VPS29: variants seen among roughly 807,000 people sequenced by gnomAD.
VPS29 encodes vacuolar protein sorting-associated protein 29.
In VPS29, 2 loss-of-function variants were observed where a neutral mutation model predicts 20.0. The observed-to-expected ratio is 0.10, with a 90% CI of 0.04 to 0.31. VPS29 has a LOEUF of 0.31. Ranked by LOEUF, VPS29 falls within the 10% of genes least tolerant of loss-of-function variation. The pLI is 1.00. For missense variants in VPS29, 120 were observed against 215.3 expected (o/e 0.56, Z 2.77); for synonymous variants, 81 against 79.3 (o/e 1.02, Z -0.12).
intron 1 of VPS29, among the ~76,000 whole-genome samples, chr12:110,500,362 G>C (rs866171955): frequency 6.6e-6 from 1 of 152,186 alleles, no homozygotes. Flanking sequence ...CCCTAAATAA[G>C]AGGGATCACT....
chr12:110,491,802 T>C lies in VPS29; in HGVS notation c.*203A>G, dbSNP rs898642294. ...TTACTGTGTTGTGGACATTTTTTCA[T>C]AGAATCCATATACTGTAAACTAAAT... On this transcript the variant is annotated 3_prime_UTR_variant, in exon 4 of 4. Transcript: ENST00000549578. 6.3e-6 allele frequency: 3 copies of C among 474,932 alleles called. No homozygotes were observed. Among genetic ancestry groups the C allele is most frequent in the East Asian group, 3.6e-5 (1 of 27,554 alleles). The allele number at this position is 474,932 out of a possible 1,614,324, so 29.4% of individuals were successfully genotyped here. A position where few individuals can be genotyped will look rare whatever the true frequency, so the allele number is the denominator to read the frequency against.
chr12:110,495,355 T>C (rs1248421718), intron 2 of VPS29, among the ~76,000 whole-genome samples: 1 of 152,096 alleles, frequency 6.6e-6, no homozygotes, highest in East Asian at 1.9e-4. Flanking sequence ...TACAAGAAAA[T>C]GATACAGTGG....
chr12:110,493,137 G>A lies in VPS29; in HGVS notation c.290C>T (p.Ala97Val), dbSNP rs1372805618. Reference protein sequence around the residue: ...GHQVIPWGDMASLALLQRQFD... With the variant: ...GHQVIPWGDMVSLALLQRQFD... ...TTGCCTCTGCAACAGGGCTAAGCTG[G>A]CCATATCTCCCCATGGAATAACTTG... Residue 97 changes from alanine (A) to valine (V), a missense_variant, in exon 3 of 4, where the codon GCC becomes GTC. Transcript: ENST00000549578. 8.7e-6 allele frequency: 14 copies of A among 1,613,584 alleles called. No individual in the cohort carries two copies. Among genetic ancestry groups the A allele is most frequent in the Non-Finnish European group, 1.2e-5 (14 of 1,179,820 alleles).
At chr12:110,499,470 G>C (rs2062959951) in intron 1 of VPS29, 2 of 1,606,866 alleles carry the variant, frequency 1.2e-6, no homozygotes, top group African/African-American at 2.7e-5. Context: ...AAAAGGGTAA[G>C]AAATCCAGTC....
At chr12:110,497,236 AGACGGAGTCT>A (rs1382806989) in intron 1 of VPS29, among the ~76,000 whole-genome samples, 2 of 54,698 alleles carry the variant, frequency 3.7e-5, no homozygotes, top group African/African-American at 1.7e-4. Context: ...TTTTTTTTTG[AGACGGAGTCT>A]CACTCTGTCG....
Position 110,492,993 on chromosome 12 carries a change from C to T in VPS29, c.431+3G>A, listed in dbSNP as rs2062842436. 6.2e-7 allele frequency: 1 copy of T among 1,607,068 alleles called. No individual in the cohort carries two copies. Among genetic ancestry groups the T allele is most frequent in the South Asian group, 1.1e-5 (1 of 89,886 alleles). On this transcript the variant is annotated splice_donor_region_variant and intron_variant, in intron 3 of 3. Coordinates refer to ENST00000549578, the MANE Select transcript of VPS29 (RefSeq NM_016226.5). ...CCAAATTCCCAAATTCTATACTACTCACGTTTCCAAGGCATTATATGCCCC... is the reference window on the plus strand; with the variant it reads ...CCAAATTCCCAAATTCTATACTACTTACGTTTCCAAGGCATTATATGCCCC...
intron 1 of VPS29, chr12:110,499,452 C>T (rs2062959189): frequency 3.2e-6 from 5 of 1,583,914 alleles, no homozygotes; most frequent in Non-Finnish European, 3.4e-6. Context: ...TTCCTTTCAA[C>T]AGACCTTAAA....
chr12:110,500,778 C>T (rs1009898211), intron 1 of VPS29, among the ~76,000 whole-genome samples: 1 of 148,650 alleles, frequency 6.7e-6, no homozygotes, highest in African/African-American at 2.5e-5. Context: ...TGAGCAGCAG[C>T]AAGATTTATT....
At position 110,501,710 on chromosome 12, in the gene VPS29, C is replaced by T. The variant is rs545198579; in HGVS notation, c.3+339G>A. The T allele has an allele frequency of 8.4e-6, 11 of 1,313,290 alleles. No homozygotes were observed. The Admixed American group carries it at 1.8e-4, about 21-fold the overall frequency. 81.4% of individuals were successfully genotyped at this position (1,313,290 alleles called of 1,614,324 possible). The stretch of plus-strand genomic sequence containing the variant: ...CCGTCTGGAAACGGAGGACCGTGCC[C>T]CTATCCCCGGAACATTCGAGGTATA... On this transcript the variant is annotated intron_variant, in intron 1 of 3. Transcript: ENST00000549578.
At chr12:110,493,644 G>C (rs1468680673) in intron 2 of VPS29, among the ~76,000 whole-genome samples, 1 of 152,106 alleles carries the variant, frequency 6.6e-6, no homozygotes, top group Non-Finnish European at 1.5e-5. Flanking sequence ...TTACAGGCCT[G>C]AGCCACTGTG....
chr12:110,494,125 ACT>A (rs2062860987), intron 2 of VPS29, among the ~76,000 whole-genome samples: 1 of 151,550 alleles, frequency 6.6e-6, no homozygotes, highest in African/African-American at 2.4e-5. Flanking sequence ...ATTTATCCAA[ACT>A]CTTTTTAAAA....
chr12:110,492,523 T>C (rs369543405), intron 3 of VPS29, among the ~76,000 whole-genome samples: 28 of 151,906 alleles, frequency 1.8e-4, no homozygotes, highest in Middle Eastern at 3.4e-3. Context: ...TGAGCCAAGA[T>C]TGCAACACTA....
chr12:110,495,866 G>A, intron 2 of VPS29, 146 bp downstream of exon 2: 2 of 612,572 alleles, frequency 3.3e-6, no homozygotes, highest in Middle Eastern at 4.7e-4. Context: ...GGAGGGGCAT[G>A]ATGTATAGTA....
chr12:110,498,900 C>T, intron 1 of VPS29: 1 of 932,774 alleles, frequency 1.1e-6, no homozygotes, highest in Non-Finnish European at 1.3e-6. Flanking sequence ...GGGAATCTTG[C>T]TTTGAGAAAA....
intron 1 of VPS29, chr12:110,501,756 C>T: frequency 9.1e-7 from 1 of 1,095,984 alleles, no homozygotes; most frequent in Non-Finnish European, 1.3e-6. Context: ...CCTTCCCTGG[C>T]TCGGGCGTGC....
In VPS29 at chr12:110,501,774, G is replaced by C. The variant is rs560522215; in HGVS notation, c.3+275C>G. On this transcript the variant is annotated intron_variant, in intron 1 of 3. Transcript: ENST00000549578. Reference sequence around the variant, plus strand: ...TCCCTGGCTCGGGCGTGCGTGTCTCGTGACAGGTCGGGCTGCTAGAGGGGC... The same window carrying C: ...TCCCTGGCTCGGGCGTGCGTGTCTCCTGACAGGTCGGGCTGCTAGAGGGGC... 52 of 1,076,348 alleles carry C rather than the reference G, an allele frequency of 4.8e-5. No individual in the cohort carries two copies. The African/African-American group carries it at 7.2e-4, about 15-fold the overall frequency. The allele number at this position is 1,076,348 out of a possible 1,614,324, so 66.7% of individuals were successfully genotyped here.
intron 1 of VPS29, chr12:110,498,790 C>T (rs1469952367): frequency 1.8e-4 from 172 of 975,724 alleles, no homozygotes; most frequent in Non-Finnish European, 2.0e-4. Context: ...ATGAAGTTTC[C>T]ACCCTCACTG....
At chr12:110,496,848 G>A (rs927622120) in intron 1 of VPS29, 1 of 152,172 alleles carries the variant, frequency 6.6e-6, no homozygotes, top group Non-Finnish European at 1.5e-5. Flanking sequence ...GTACGTTACA[G>A]AGATATACAA....
rs377665907 is a variant in VPS29 at position 110,499,569 on chromosome 12, T to C, written c.3+2480A>G. 7.1e-5 allele frequency: 112 copies of C among 1,588,006 alleles called. No individual in the cohort carries two copies. The highest frequency in any genetic ancestry group is 1.7e-4 in the Admixed American group (10 of 59,418). Reference sequence around the variant, plus strand: ...AGCCTTAGTGGAATGAAGAAGTTGATTGCAGACAGGGGGGATGAAAAAAAA... The same window carrying C: ...AGCCTTAGTGGAATGAAGAAGTTGACTGCAGACAGGGGGGATGAAAAAAAA... On this transcript the variant is annotated intron_variant, in intron 1 of 3. Coordinates refer to ENST00000549578, the MANE Select transcript of VPS29 (RefSeq NM_016226.5).
Sources: allele counts gnomAD v4.1 joint callset (sites outside exome capture counted in the v4.1 genomes callset), GRCh38; gene constraint gnomAD v4.1.1; transcripts MANE v1.5; gene names NCBI Gene and HGNC (gene_info 2026-07-23, HGNC 2026-07-21).